Variants in HS1BP3 observed in about 807,000 individuals in gnomAD.
HS1BP3 encodes the protein HCLS1-binding protein 3.
HS1BP3 carries 32 observed loss-of-function variants against 33.5 expected under a neutral mutation model. The ratio of observed to expected loss-of-function variants is 0.95; its 90% CI spans 0.72 to 1.28. The LOEUF is 1.28. Among genes scored for constraint, HS1BP3 ranks in the 50% most tolerant of loss-of-function variants. The pLI is 0.00. For synonymous variants in HS1BP3, 187 were observed against 209.2 expected (o/e 0.89, Z 0.92); for missense variants, 486 against 502.3 (o/e 0.97, Z 0.31).
At chr2:20,646,600 G>T (rs1695527437) in intron 1 of HS1BP3, among the ~76,000 whole-genome samples, 1 of 152,272 alleles carries the variant, frequency 6.6e-6, no homozygotes, top group South Asian at 2.1e-4. Context: ...TCCTCCCGCG[G>T]CGTAGGGCAC....
At chr2:20,622,146 G>T in intron 6 of HS1BP3, 1 of 1,259,338 alleles carries the variant, frequency 7.9e-7, no homozygotes, top group South Asian at 1.3e-5. Context: ...GCTGAGGCTA[G>T]TGACAGAATG....
intron 5 of HS1BP3, among the ~76,000 whole-genome samples, chr2:20,569,965 C>T (rs1481620588): frequency 6.6e-6 from 1 of 152,244 alleles, no homozygotes; most frequent in Non-Finnish European, 1.5e-5. Context: ...AGGAGTCCCT[C>T]TGGGCTGCCC....
intron 4 of HS1BP3, among the ~76,000 whole-genome samples, chr2:20,626,700 GCCA>G (rs1694796189): frequency 1.3e-5 from 2 of 152,142 alleles, no homozygotes; most frequent in African/African-American, 4.8e-5. Flanking sequence ...CCCAGCTCAG[GCCA>G]TGAGGGACCT....
At chr2:20,645,596 G>A in intron 1 of HS1BP3, 91 bp from the exon 2 acceptor site, 2 of 1,319,802 alleles carry the variant, frequency 1.5e-6, no homozygotes, top group Non-Finnish European at 2.1e-6. Context: ...GTGCCTGGCA[G>A]GCCTGGGTGC....
At chr2:20,567,312 G>C (rs2149271213) in intron 5 of HS1BP3, among the ~76,000 whole-genome samples, 1 of 152,338 alleles carries the variant, frequency 6.6e-6, no homozygotes. Context: ...TCTAGAACAA[G>C]GGGGCAGAAG....
At chr2:20,581,952 G>A (rs1693544229) in intron 5 of HS1BP3, among the ~76,000 whole-genome samples, 1 of 152,220 alleles carries the variant, frequency 6.6e-6, no homozygotes, top group African/African-American at 2.4e-5. Flanking sequence ...TGCAAGGAGA[G>A]GTACTCGACT....
At chr2:20,622,376 GT>G (rs1292865721) in intron 6 of HS1BP3, 2 of 1,270,720 alleles carry the variant, frequency 1.6e-6, no homozygotes, top group Non-Finnish European at 2.1e-6. Context: ...GTCTGCTAAA[GT>G]GAAGGTGGGG....
At chr2:20,576,880 CT>C (rs2149274271) in intron 5 of HS1BP3, among the ~76,000 whole-genome samples, 1 of 152,302 alleles carries the variant, frequency 6.6e-6, no homozygotes, top group Non-Finnish European at 1.5e-5. Flanking sequence ...CAGTTGCTTT[CT>C]AAGAATTGAA....
At chr2:20,591,726 G>T (rs1693820950), downstream of HS1BP3, among the ~76,000 whole-genome samples, 1 of 152,104 alleles carries the variant, frequency 6.6e-6, no homozygotes, top group Non-Finnish European at 1.5e-5. Flanking sequence ...ACCATGCCCA[G>T]CTAATTTTTG....
chr2:20,648,142 A>T (rs950978849), intron 1 of HS1BP3, among the ~76,000 whole-genome samples: 6 of 152,076 alleles, frequency 3.9e-5, no homozygotes, highest in African/African-American at 1.4e-4. Flanking sequence ...TTTTCGCACC[A>T]TCGATTTTCC....
intron 2 of HS1BP3, among the ~76,000 whole-genome samples, chr2:20,610,687 T>C (rs762172014): frequency 5.3e-5 from 8 of 152,222 alleles, no homozygotes; most frequent in Non-Finnish European, 1.0e-4. Context: ...GCTATAAGCA[T>C]CCATGTACAG....
At chr2:20,567,920 G>A (rs1693174934) in intron 5 of HS1BP3, among the ~76,000 whole-genome samples, 2 of 152,282 alleles carry the variant, frequency 1.3e-5, no homozygotes, top group South Asian at 2.1e-4. Flanking sequence ...CACCGAGGGG[G>A]AACTCAACGT....
chr2:20,597,272 C>T (rs13031724), intron 3 of HS1BP3, among the ~76,000 whole-genome samples: 102,951 of 152,152 alleles, frequency 0.68, 37,869 homozygotes, highest in East Asian at 0.81. Context: ...AGAGTAACCA[C>T]GGCAACACCA....
chr2:20,565,361 C>A (rs535737428), intron 5 of HS1BP3, among the ~76,000 whole-genome samples: 2 of 152,298 alleles, frequency 1.3e-5, no homozygotes, highest in South Asian at 4.1e-4. Context: ...CTTCCATGGC[C>A]CCTGCTTCCT....
At chr2:20,604,230 G>A (rs917110501) in intron 2 of HS1BP3, among the ~76,000 whole-genome samples, 2 of 152,226 alleles carry the variant, frequency 1.3e-5, no homozygotes, top group African/African-American at 4.8e-5. Context: ...TCCCCATGGA[G>A]CCTAGGGGAT....
chr2:20,605,461 TACCATTTTA>T (rs1694155119), intron 2 of HS1BP3, among the ~76,000 whole-genome samples: 1 of 152,226 alleles, frequency 6.6e-6, no homozygotes, highest in Admixed American at 6.5e-5. Context: ...ACATAAAATT[TACCATTTTA>T]ACCATTTTAA....
intron 2 of HS1BP3, among the ~76,000 whole-genome samples, chr2:20,610,920 C>T (rs747787687): frequency 6.6e-6 from 1 of 152,230 alleles, no homozygotes; most frequent in Non-Finnish European, 1.5e-5. Context: ...TCCATCACTC[C>T]CAAAAGCTGC....
At chr2:20,600,408 A>G (rs546410400) in intron 2 of HS1BP3, among the ~76,000 whole-genome samples, 3 of 152,370 alleles carry the variant, frequency 2.0e-5, no homozygotes, top group South Asian at 2.1e-4. Context: ...CAACGGCCCT[A>G]GCAGGAGATG....
At chr2:20,638,396 G>A in intron 4 of HS1BP3, 40 bp downstream of exon 4, 1 of 1,578,586 alleles carries the variant, frequency 6.3e-7, no homozygotes, top group Non-Finnish European at 8.7e-7. Context: ...AGAAAGCCTG[G>A]AATACACCAA....
Sources: allele counts gnomAD v4.1 joint callset (sites outside exome capture counted in the v4.1 genomes callset), GRCh38; gene constraint gnomAD v4.1.1; transcripts MANE v1.5; gene names NCBI Gene and HGNC (gene_info 2026-07-23, HGNC 2026-07-21).